KLHL10: variants seen among roughly 807,000 people sequenced by gnomAD.
KLHL10 encodes the protein kelch-like protein 10.
KLHL10 carries 11 observed loss-of-function variants against 46.6 expected under a neutral mutation model. That is an observed-to-expected ratio of 0.24 (90% CI 0.15 to 0.39). KLHL10 has a LOEUF of 0.39. Among genes scored for constraint, KLHL10 ranks in the 10% least tolerant of loss-of-function variants. KLHL10 has a pLI of 1.00. For synonymous variants in KLHL10, 254 were observed against 279.1 expected, an observed-to-expected ratio of 0.91 and a Z score of 0.90; for missense variants, 475 against 789.8, an observed-to-expected ratio of 0.60 and a Z score of 4.78.
chr17:41,846,796 C>G (rs1393796414), intron 3 of KLHL10, among the ~76,000 whole-genome samples: 2 of 152,066 alleles, frequency 1.3e-5, no homozygotes, highest in African/African-American at 4.8e-5. Context: ...GCCCAGGCAA[C>G]AGAGTGAGAC....
chr17:41,848,345 G>A lies in KLHL10; in HGVS notation c.*38G>A, dbSNP rs1567871452. On this transcript the variant is annotated 3_prime_UTR_variant, in exon 5 of 5. Transcript: ENST00000293303. ...AGCTAATAAAAAGTCTAAGCAATAA[G>A]AATTAATTCTTTTTTTAAAAAAATG... The A allele has an allele frequency of 6.3e-7, 1 of 1,588,980 alleles. No individual in the cohort carries two copies. The highest frequency in any genetic ancestry group is 8.5e-7 in the Non-Finnish European group (1 of 1,173,918).
intron 1 of KLHL10, among the ~76,000 whole-genome samples, chr17:41,841,345 C>G (rs1051768148): frequency 1.3e-5 from 2 of 151,968 alleles, no homozygotes; most frequent in Non-Finnish European, 2.9e-5. Context: ...GACAGAGTCT[C>G]GCTGTGTCCC....
chr17:41,845,027 T>G, intron 2 of KLHL10, 99 bp from the exon 3 acceptor site: 1 of 1,448,104 alleles, frequency 6.9e-7, no homozygotes, highest in South Asian at 1.2e-5. Context: ...CCAAAATATT[T>G]CCAGCAATTC....
chr17:41,845,099 G>T (rs1021958970), intron 2 of KLHL10, 27 bp from the exon 3 acceptor site: 2 of 1,614,140 alleles, frequency 1.2e-6, no homozygotes, highest in South Asian at 1.1e-5. Flanking sequence ...CACGTCACCT[G>T]AATGACTTTC....
chr17:41,848,240 A>G lies in KLHL10; in HGVS notation c.1760A>G (p.Asn587Ser). Residue 587 changes from asparagine (N) to serine (S), a missense_variant, in exon 5 of 5, where the codon AAC becomes AGC. By Grantham distance (46) the Asn-to-Ser change is conservative. Coordinates refer to ENST00000293303, the MANE Select transcript of KLHL10 (RefSeq NM_152467.5). ...GAGGAATATGCAGCTAGACGGGACAACTTCCCAGGATTAGCACTGCGAGAT... is the reference window on the plus strand; with the variant it reads ...GAGGAATATGCAGCTAGACGGGACAGCTTCCCAGGATTAGCACTGCGAGAT... ...NVEEYAARRDNFPGLALRDEV... is the reference protein window; with the variant it reads ...NVEEYAARRDSFPGLALRDEV... The G allele has an allele frequency of 6.2e-7, 1 of 1,614,046 alleles. No individual in the cohort carries two copies. The highest frequency in any genetic ancestry group is 8.5e-7 in the Non-Finnish European group (1 of 1,179,980).
At chr17:41,836,062 A>T, upstream of KLHL10, 7 of 1,395,908 alleles carry the variant, frequency 5.0e-6, no homozygotes, top group Non-Finnish European at 5.6e-6. Context: ...GGGGTGCGCG[A>T]GGGGGCGGCT....
At position 41,845,200 on chromosome 17, in the gene KLHL10, G is replaced by A. The variant is rs782360080; in HGVS notation, c.759G>A (p.Glu253=). 1.2e-6 allele frequency: 2 copies of A among 1,614,178 alleles called. No individual in the cohort carries two copies. Among genetic ancestry groups the A allele is most frequent in the East Asian group, 2.2e-5 (1 of 44,888 alleles). ...VKMNDYVKDS[E]ECKPVIINAL... Reference sequence around the variant, plus strand: ...TGAATGACTATGTCAAAGACAGTGAGGAATGCAAACCAGTCATCATTAATG... The same window carrying A: ...TGAATGACTATGTCAAAGACAGTGAAGAATGCAAACCAGTCATCATTAATG... The change falls in exon 3 of 5, where the codon GAG becomes GAA. Residue 253 remains glutamate, a synonymous_variant. Transcript: ENST00000293303.
intron 2 of KLHL10, among the ~76,000 whole-genome samples, chr17:41,844,529 G>A (rs1186860868): frequency 1.5e-5 from 2 of 135,068 alleles, no homozygotes; most frequent in African/African-American, 2.8e-5. Flanking sequence ...ACTGCACTCA[G>A]CCTGGTTTTT....
chr17:41,847,698 G>C (rs992129966), intron 4 of KLHL10, among the ~76,000 whole-genome samples: 3 of 152,112 alleles, frequency 2.0e-5, no homozygotes, highest in African/African-American at 4.8e-5. Context: ...GTAGAGACAG[G>C]GTTTCACTGT....
rs782231092 is a variant in KLHL10 at position 41,845,503 on chromosome 17, T to C, written c.1062T>C (p.Asn354=). Residue 354 remains asparagine (N), a synonymous_variant, in exon 3 of 5, where the codon AAT becomes AAC. Coordinates refer to ENST00000293303, the MANE Select transcript of KLHL10 (RefSeq NM_152467.5). Reference sequence around the variant, plus strand: ...GGTTTGATAGTGTAGACTATTTCAATAGTGTTAAGCGTTTTGACCCAGTCA... The same window carrying C: ...GGTTTGATAGTGTAGACTATTTCAACAGTGTTAAGCGTTTTGACCCAGTCA... The part of the protein sequence containing the change: ...IGGFDSVDYF[N]SVKRFDPVKK... The C allele has an allele frequency of 6.2e-6, 10 of 1,614,116 alleles. No individual in the cohort carries two copies. The highest frequency in any genetic ancestry group is 1.1e-5 in the South Asian group (1 of 91,086).
chr17:41,845,300 C>T lies in KLHL10; in HGVS notation c.859C>T (p.Arg287Cys), dbSNP rs1176704700. ...SDFTNPLTRPRLPYAILFAIG... is the reference protein window; with the variant it reads ...SDFTNPLTRPCLPYAILFAIG... ...TTTCACCAACCCACTCACCAGACCA[C>T]GCTTGCCCTATGCCATCCTCTTTGC... Residue 287 changes from arginine (R) to cysteine (C), a missense_variant, in exon 3 of 5, where the codon CGC (arginine) becomes TGC (cysteine). Physicochemically the swap from Arg to Cys is radical, Grantham distance 180. Coordinates refer to ENST00000293303, the MANE Select transcript of KLHL10 (RefSeq NM_152467.5). 1.9e-6 allele frequency: 3 copies of T among 1,614,128 alleles called. No homozygotes were observed. The highest frequency in any genetic ancestry group is 1.3e-5 in the African/African-American group (1 of 74,946).
intron 1 of KLHL10, among the ~76,000 whole-genome samples, chr17:41,839,697 G>C (rs2048206977): frequency 6.6e-6 from 1 of 152,106 alleles, no homozygotes. Context: ...CCACAGAGCA[G>C]AGTCCACAAT....
At chr17:41,835,781 A>G (rs1351582863), upstream of KLHL10, 5 of 1,369,864 alleles carry the variant, frequency 3.7e-6, no homozygotes, top group Admixed American at 3.9e-5. Context: ...GCGGCAGAGC[A>G]AAGCGGGAAG....
chr17:41,848,283 T>C lies in KLHL10; in HGVS notation c.1803T>C (p.Ala601=), dbSNP rs2048310731. 1 of 1,611,856 alleles carries C rather than the reference T, an allele frequency of 6.2e-7. No homozygotes were observed. Among genetic ancestry groups the C allele is most frequent in the African/African-American group, 1.3e-5 (1 of 75,038 alleles). Residue 601 remains alanine, a synonymous_variant, in exon 5 of 5, where the codon GCT becomes GCC. Transcript: ENST00000293303. The part of the protein sequence containing the change: ...LALRDEVKYS[A]STSTLPV Reference sequence around the variant, plus strand: ...TGCGAGATGAAGTAAAATATTCTGCTTCGACAAGTACCCTACCTGTATGAG... The same window carrying C: ...TGCGAGATGAAGTAAAATATTCTGCCTCGACAAGTACCCTACCTGTATGAG...
chr17:41,845,027 T>C, intron 2 of KLHL10, 99 bp from the exon 3 acceptor site: 2 of 1,448,104 alleles, frequency 1.4e-6, no homozygotes, highest in Non-Finnish European at 1.9e-6. Context: ...CCAAAATATT[T>C]CCAGCAATTC....
chr17:41,846,395 G>A (rs1049628736), intron 3 of KLHL10, among the ~76,000 whole-genome samples: 13 of 151,608 alleles, frequency 8.6e-5, no homozygotes, highest in Non-Finnish European at 1.3e-4. Flanking sequence ...GGTGGCAGGC[G>A]CCTGTAGTCC....
At chr17:41,845,889 T>C (rs2144137802) in intron 3 of KLHL10, 146 bp downstream of exon 3, 5 of 1,046,286 alleles carry the variant, frequency 4.8e-6, no homozygotes, top group Non-Finnish European at 5.6e-6. Flanking sequence ...AGGTGACTAG[T>C]TGCAACTGTC....
chr17:41,843,522 A>C (rs1485388163), intron 2 of KLHL10, among the ~76,000 whole-genome samples: 33 of 152,104 alleles, frequency 2.2e-4, no homozygotes, highest in South Asian at 1.0e-3. Context: ...AAAAAAAAAA[A>C]AAAAAATCTT....
At chr17:41,847,683 T>A (rs1181590984) in intron 4 of KLHL10, among the ~76,000 whole-genome samples, 2 of 152,130 alleles carry the variant, frequency 1.3e-5, no homozygotes, top group African/African-American at 4.8e-5. Flanking sequence ...TTTTTTGTAT[T>A]TTTAGTAGAG....
Sources: allele counts gnomAD v4.1 joint callset (sites outside exome capture counted in the v4.1 genomes callset), GRCh38; gene constraint gnomAD v4.1.1; transcripts MANE v1.5; gene names NCBI Gene and HGNC (gene_info 2026-07-23, HGNC 2026-07-21).